BMP7: variants seen among roughly 807,000 people sequenced by gnomAD.
The protein encoded by BMP7 is bone morphogenetic protein 7.
Under a neutral mutation model 41.2 loss-of-function variants are expected in BMP7, and 12 were observed. The ratio of observed to expected loss-of-function variants is 0.29; its 90% CI spans 0.19 to 0.47. BMP7 has a LOEUF of 0.47. Among genes scored for constraint, BMP7 ranks in the 20% least tolerant of loss-of-function variants. BMP7 has a pLI of 0.99. For synonymous variants in BMP7, 248 were observed against 250.0 expected (o/e 0.99, Z 0.07); for missense variants, 467 against 606.0 (o/e 0.77, Z 2.41).
intron 3 of BMP7, among the ~76,000 whole-genome samples, chr20:57,193,205 C>T (rs754145818): frequency 2.0e-5 from 3 of 152,224 alleles, no homozygotes; most frequent in Admixed American, 6.5e-5. Flanking sequence ...CAGCTTCAAT[C>T]GGGATACAGA....
At chr20:57,245,020 C>T (rs188428789) in intron 1 of BMP7, among the ~76,000 whole-genome samples, 1 of 152,288 alleles carries the variant, frequency 6.6e-6, no homozygotes, top group Non-Finnish European at 1.5e-5. Context: ...TTCCTCCATG[C>T]CCAGCCCCTG....
chr20:57,194,288 C>G (rs1011872424), intron 3 of BMP7, among the ~76,000 whole-genome samples: 3 of 152,172 alleles, frequency 2.0e-5, no homozygotes, highest in East Asian at 1.9e-4. Context: ...TGTTGATACT[C>G]TAGCCCAGGG....
rs186505874 is a variant in BMP7, at chr20:57,212,756, A to G, written c.612-10133T>C. Reference sequence around the variant, plus strand: ...CAGCCCAGCAGCAACCCCAGCCTGCAGGGAAGCCCGGGAAGGAGATCAAAG... The same window carrying G: ...CAGCCCAGCAGCAACCCCAGCCTGCGGGGAAGCCCGGGAAGGAGATCAAAG... On this transcript the variant is annotated intron_variant, in intron 2 of 6. Transcript: ENST00000395863. 2.5e-3 allele frequency among the ~76,000 whole-genome samples: 377 copies of G among 152,278 alleles called. 2 individuals carry two copies. The highest frequency in any genetic ancestry group is 4.3e-3 in the Non-Finnish European group (293 of 68,002).
rs181177815 is a variant in BMP7 at position 57,179,885 on chromosome 20, A to T, written c.958+3837T>A. ...TGAATTTCTGCCACGGGAAACAGTG[A>T]GAGCCCCGTCCTGGGGGCTGTGTAA... On this transcript the variant is annotated intron_variant, in intron 4 of 6. Coordinates refer to ENST00000395863, the MANE Select transcript of BMP7 (RefSeq NM_001719.3). 3.3e-5 allele frequency among the ~76,000 whole-genome samples: 5 copies of T among 152,316 alleles called. No homozygotes were observed. In the East Asian group the frequency reaches 7.7e-4, roughly 23 times the overall value.
At chr20:57,193,655 A>C (rs1209952371) in intron 3 of BMP7, among the ~76,000 whole-genome samples, 3 of 152,224 alleles carry the variant, frequency 2.0e-5, no homozygotes, top group Non-Finnish European at 2.9e-5. Flanking sequence ...GTATGTAAGT[A>C]GCATAATTTG....
rs542197463 is a variant in BMP7 at position 57,219,284 on chromosome 20, T to C, written c.611+8945A>G. On this transcript the variant is annotated intron_variant, in intron 2 of 6. Transcript: ENST00000395863. ...TTTGCTGGTAGGTGGTGTTTGGTGG[T>C]AGGTAGCAGTGAGCAAGGTAAGTGG... Among the ~76,000 whole-genome samples the C allele has an allele frequency of 3.3e-4, 41 of 125,944 alleles. 5 individuals are homozygous for C. Among genetic ancestry groups the C allele is most frequent in the African/African-American group, 2.3e-3 (40 of 17,188 alleles). 82.6% of individuals were successfully genotyped at this position (125,944 alleles called of 152,430 possible). A position where few individuals can be genotyped will look rare whatever the true frequency, so the allele number is the denominator to read the frequency against.
intron 1 of BMP7, among the ~76,000 whole-genome samples, chr20:57,260,922 A>G (rs79045948): frequency 2.6e-5 from 4 of 152,238 alleles, no homozygotes; most frequent in Non-Finnish European, 5.9e-5. Flanking sequence ...TCCCCATTCA[A>G]AATATTCAGG....
chr20:57,174,790 A>G lies in BMP7; in HGVS notation c.1035+141T>C. 1 of 910,210 alleles carries G rather than the reference A, an allele frequency of 1.1e-6. No homozygotes were observed. The highest frequency in any genetic ancestry group is 1.7e-6 in the Non-Finnish European group (1 of 578,020). 56.4% of individuals were successfully genotyped at this position (910,210 alleles called of 1,614,324 possible). A position where few individuals can be genotyped will look rare whatever the true frequency, so the allele number is the denominator to read the frequency against. On this transcript the variant is annotated intron_variant, in intron 5 of 6. Transcript: ENST00000395863. The surrounding 1 kb of genome is among the most constrained non-coding windows in gnomAD (Gnocchi z 4.3). ...GAGGCCTCCCTGTATCCTTAGCCCA[A>G]GTCCCCTTCCCTAGCGAGGCCACTT...
At chr20:57,199,086 T>C (rs1984565492) in intron 3 of BMP7, among the ~76,000 whole-genome samples, 1 of 152,176 alleles carries the variant, frequency 6.6e-6, no homozygotes, top group Non-Finnish European at 1.5e-5. Flanking sequence ...GGATATCCTC[T>C]GAGTTAATAT....
In BMP7 at chr20:57,228,179, G is replaced by A; in HGVS notation, c.611+50C>T. 6.3e-7 allele frequency: 1 copy of A among 1,593,354 alleles called. No homozygotes were observed. Among genetic ancestry groups the A allele is most frequent in the Non-Finnish European group, 8.6e-7 (1 of 1,163,246 alleles). Reference sequence around the variant, plus strand: ...CTGGCCCTCACCACCTTCTTCCTCTGCCCCCAGAGGAAACTCAGCACCTCT... The same window carrying A: ...CTGGCCCTCACCACCTTCTTCCTCTACCCCCAGAGGAAACTCAGCACCTCT... On this transcript the variant is annotated intron_variant, in intron 2 of 6. Transcript: ENST00000395863. The surrounding 1 kb of genome is among the most constrained non-coding windows in gnomAD (Gnocchi z 4.5).
At chr20:57,233,719 T>C (rs910398918) in intron 1 of BMP7, among the ~76,000 whole-genome samples, 1 of 152,202 alleles carries the variant, frequency 6.6e-6, no homozygotes, top group Non-Finnish European at 1.5e-5. Context: ...TAAGTTATAG[T>C]TGTCTGATAC....
Position 57,170,693 on chromosome 20 carries a change from C to T in BMP7, c.*266G>A, listed in dbSNP as rs550875527. On this transcript the variant is annotated 3_prime_UTR_variant, in exon 7 of 7. Transcript: ENST00000395863. Reference sequence around the variant, plus strand: ...AGACTTCCCAGCCAATGACCTGGCCCGGCCATTTTTCTTTATGCGTTGTTT... The same window carrying T: ...AGACTTCCCAGCCAATGACCTGGCCTGGCCATTTTTCTTTATGCGTTGTTT... 55 of 431,890 alleles carry T rather than the reference C, an allele frequency of 1.3e-4. No homozygotes were observed. The East Asian group carries it at 2.4e-3, about 19-fold the overall frequency. 26.8% of individuals were successfully genotyped at this position (431,890 alleles called of 1,614,324 possible).
At position 57,170,930 on chromosome 20, in the gene BMP7, G is replaced by C. The variant is rs773709713; in HGVS notation, c.*29C>G. ...GCAATGGAGGATCCAGAAAAACTTGGCCCCAAAGGGTCTGAATTCTCGGAG... is the reference window on the plus strand; with the variant it reads ...GCAATGGAGGATCCAGAAAAACTTGCCCCCAAAGGGTCTGAATTCTCGGAG... On this transcript the variant is annotated 3_prime_UTR_variant, in exon 7 of 7. Coordinates refer to ENST00000395863, the MANE Select transcript of BMP7 (RefSeq NM_001719.3). The C allele has an allele frequency of 6.2e-7, 1 of 1,611,046 alleles. No homozygotes were observed. The highest frequency in any genetic ancestry group is 1.1e-5 in the South Asian group (1 of 90,834).
chr20:57,226,012 AC>A (rs2066004670), intron 2 of BMP7: 1 of 461,498 alleles, frequency 2.2e-6, no homozygotes. Context: ...CAGGAGCAGG[AC>A]CCCAGCACTA....
Position 57,214,264 on chromosome 20 carries a change from G to A in BMP7, c.612-11641C>T, listed in dbSNP as rs560658115. Among the ~76,000 whole-genome samples, 7 of 152,110 alleles carry A rather than the reference G, an allele frequency of 4.6e-5. No individual in the cohort carries two copies. Among genetic ancestry groups the A allele is most frequent in the Non-Finnish European group, 1.0e-4 (7 of 68,020 alleles). On this transcript the variant is annotated intron_variant, in intron 2 of 6. Transcript: ENST00000395863. The surrounding 1 kb of genome is among the most constrained non-coding windows in gnomAD (Gnocchi z 4.0). ...GGTGGAGGGAGAGCTACCACCCAGA[G>A]AACCCGGGGGTTCCCCTTCCACTCT...
At chr20:57,191,747 T>A (rs955251118) in intron 3 of BMP7, among the ~76,000 whole-genome samples, 3 of 122,170 alleles carry the variant, frequency 2.5e-5, no homozygotes, top group Non-Finnish European at 3.4e-5. Context: ...ATATATATAA[T>A]ATATACTATA....
intron 2 of BMP7, among the ~76,000 whole-genome samples, chr20:57,210,819 C>T (rs960211901): frequency 6.6e-6 from 1 of 152,260 alleles, no homozygotes; most frequent in Admixed American, 6.5e-5. Context: ...AGGAGCAGAA[C>T]AGGCCCTTGG....
At chr20:57,217,905 G>T (rs892108953) in intron 2 of BMP7, among the ~76,000 whole-genome samples, 2 of 152,232 alleles carry the variant, frequency 1.3e-5, no homozygotes, top group Non-Finnish European at 2.9e-5. Context: ...TGCTGTGTCT[G>T]TGTCTGTGTT....
chr20:57,257,089 G>C (rs2066137009), intron 1 of BMP7, among the ~76,000 whole-genome samples: 1 of 152,064 alleles, frequency 6.6e-6, no homozygotes, highest in African/African-American at 2.4e-5. Flanking sequence ...CTCTCCCAGG[G>C]ACTCTGCTGC....
Sources: allele counts gnomAD v4.1 joint callset (sites outside exome capture counted in the v4.1 genomes callset), GRCh38; gene constraint gnomAD v4.1.1; non-coding constraint Gnocchi (gnomAD v3.1); transcripts MANE v1.5; gene names NCBI Gene and HGNC (gene_info 2026-07-23, HGNC 2026-07-21).